The following SLC44A5 variants were observed in gnomAD, a reference collection of about 807,000 sequenced individuals.
SLC44A5 encodes choline transporter-like protein 5.
Under a neutral mutation model 101.8 loss-of-function variants are expected in SLC44A5, and 57 were observed. That is an observed-to-expected ratio of 0.56 (90% CI 0.45 to 0.70). The LOEUF is 0.70. SLC44A5 is among the 30% of genes least tolerant of loss of function. The pLI, the probability that SLC44A5 is intolerant of heterozygous loss-of-function variation, is 0.00. For missense variants in SLC44A5, 737 were observed against 853.1 expected, an observed-to-expected ratio of 0.86 and a Z score of 1.70; for synonymous variants, 281 against 290.9, an observed-to-expected ratio of 0.97 and a Z score of 0.35.
chr1:75,356,949 A>G (rs976984613), intron 3 of SLC44A5, among the ~76,000 whole-genome samples: 1 of 152,196 alleles, frequency 6.6e-6, no homozygotes, highest in African/African-American at 2.4e-5. Context: ...AGTAGGCTAT[A>G]CCATCTAGAT....
At chr1:75,269,919 G>C (rs1197721436) in intron 6 of SLC44A5, among the ~76,000 whole-genome samples, 1 of 152,230 alleles carries the variant, frequency 6.6e-6, no homozygotes, top group East Asian at 1.9e-4. Flanking sequence ...TTGAATGGTG[G>C]GGGCAGTTTC....
chr1:75,676,559 G>T, the SLC44A5 span, among the ~76,000 whole-genome samples: 3 of 152,276 alleles, frequency 2.0e-5, no homozygotes, highest in East Asian at 5.8e-4. Flanking sequence ...AATGTTGGAA[G>T]GGGGAGCATT....
chr1:75,241,800 T>C (rs191457482), intron 9 of SLC44A5, among the ~76,000 whole-genome samples: 2 of 152,170 alleles, frequency 1.3e-5, no homozygotes, highest in East Asian at 1.9e-4. Context: ...AATTCAAAAA[T>C]TCAGAGTTCC....
chr1:75,240,719 G>A (rs1329552266), intron 9 of SLC44A5, among the ~76,000 whole-genome samples: 2 of 151,974 alleles, frequency 1.3e-5, no homozygotes, highest in African/African-American at 2.4e-5. Context: ...CTACTTCAGT[G>A]GGTATTTGAC....
chr1:75,308,791 T>G (rs1007402599), intron 4 of SLC44A5, among the ~76,000 whole-genome samples: 1 of 152,164 alleles, frequency 6.6e-6, no homozygotes, highest in Non-Finnish European at 1.5e-5. Context: ...TAAAAAATGT[T>G]TGTTAAAACA....
At chr1:75,355,350 G>T (rs1658989120) in intron 3 of SLC44A5, among the ~76,000 whole-genome samples, 2 of 152,038 alleles carry the variant, frequency 1.3e-5, no homozygotes, top group South Asian at 4.1e-4. Flanking sequence ...CTATGTTTTT[G>T]ACTCAATATG....
intron 3 of SLC44A5, among the ~76,000 whole-genome samples, chr1:75,389,995 A>G (rs1217986524): frequency 6.6e-6 from 1 of 152,126 alleles, no homozygotes; most frequent in Non-Finnish European, 1.5e-5. Context: ...CATTACAACC[A>G]ATCCCATAGA....
intron 2 of SLC44A5, among the ~76,000 whole-genome samples, chr1:75,519,129 T>G (rs931285755): frequency 6.6e-6 from 1 of 152,182 alleles, no homozygotes; most frequent in Non-Finnish European, 1.5e-5. Context: ...TGAATATCTC[T>G]CTAAAAATTA....
chr1:75,723,886 G>A, the SLC44A5 span: 1 of 152,290 alleles, frequency 6.6e-6, no homozygotes, highest in East Asian at 1.9e-4. Flanking sequence ...ATTTATGGGT[G>A]ACCTTTATTG....
intron 3 of SLC44A5, among the ~76,000 whole-genome samples, chr1:75,362,038 T>C (rs770855983): frequency 6.6e-6 from 1 of 152,058 alleles, no homozygotes; most frequent in Non-Finnish European, 1.5e-5. Flanking sequence ...TCAGTCTTGG[T>C]AGATTGTATG....
chr1:75,641,014 A>G, the SLC44A5 span, among the ~76,000 whole-genome samples: 3 of 152,122 alleles, frequency 2.0e-5, no homozygotes, highest in Non-Finnish European at 4.4e-5. Flanking sequence ...AAAATCTTAC[A>G]GTAGAACCCA....
rs139576935 is a variant in SLC44A5 at position 75,465,731 on chromosome 1, C to T, written c.14-69110G>A. ...TGATACTGAAGAAATTCAAAAGATC[C>T]TTAGTGGCTACTATGAGCAACTATA... On this transcript the variant is annotated intron_variant, in intron 2 of 23. Transcript: ENST00000370859. Among the ~76,000 whole-genome samples, 1,503 of 152,004 alleles carry T rather than the reference C, an allele frequency of 9.9e-3. 32 individuals carry two copies. Among genetic ancestry groups the T allele is most frequent in the African/African-American group, 0.034 (1,410 of 41,492 alleles).
intron 2 of SLC44A5, among the ~76,000 whole-genome samples, chr1:75,533,309 AT>A (rs375087658): frequency 1.4e-4 from 21 of 152,346 alleles, no homozygotes; most frequent in African/African-American, 4.3e-4. Context: ...TGCAATAAAT[AT>A]TCCATGAAAA....
intron 1 of SLC44A5, among the ~76,000 whole-genome samples, chr1:75,609,044 G>T (rs954323425): frequency 2.6e-5 from 4 of 151,754 alleles, no homozygotes; most frequent in African/African-American, 9.7e-5. Context: ...GCTTAGAATA[G>T]TGCCCAGTAC....
intron 2 of SLC44A5, among the ~76,000 whole-genome samples, chr1:75,466,472 T>C (rs1666822882): frequency 1.3e-5 from 2 of 151,794 alleles, no homozygotes; most frequent in African/African-American, 4.8e-5. Flanking sequence ...CTGGCCAACA[T>C]AGTGAAACCC....
intron 2 of SLC44A5, among the ~76,000 whole-genome samples, chr1:75,444,207 C>T (rs1039939721): frequency 1.3e-5 from 2 of 151,226 alleles, no homozygotes; most frequent in Non-Finnish European, 1.5e-5. Context: ...ATCCCAGGTG[C>T]TTGAGAGGCT....
chr1:75,353,926 T>C (rs1235555074), intron 3 of SLC44A5: 2 of 242,588 alleles, frequency 8.2e-6, no homozygotes, highest in South Asian at 4.5e-5. Context: ...AACAGTAATA[T>C]GGGGTAAGGT....
At chr1:75,477,387 G>A (rs961412134) in intron 2 of SLC44A5, among the ~76,000 whole-genome samples, 2 of 152,176 alleles carry the variant, frequency 1.3e-5, no homozygotes, top group Non-Finnish European at 2.9e-5. Context: ...CACCAGCAAC[G>A]GAACAAAGCT....
intron 4 of SLC44A5, among the ~76,000 whole-genome samples, chr1:75,325,141 C>T (rs554538521): frequency 3.3e-5 from 5 of 152,128 alleles, no homozygotes; most frequent in African/African-American, 1.2e-4. Context: ...AGAGCACAGA[C>T]AAGAGGGGAA....
Sources: allele counts gnomAD v4.1 joint callset (sites outside exome capture counted in the v4.1 genomes callset), GRCh38; gene constraint gnomAD v4.1.1; transcripts MANE v1.5; gene names NCBI Gene and HGNC (gene_info 2026-07-23, HGNC 2026-07-21).